Variants in RNF121 observed in about 807,000 individuals in gnomAD.
RNF121 encodes E3 ubiquitin ligase RNF121.
RNF121 carries 21 observed loss-of-function variants against 46.5 expected under a neutral mutation model. The observed-to-expected ratio is 0.45, with a 90% CI of 0.32 to 0.65. RNF121 has a LOEUF of 0.65. Among genes scored for constraint, RNF121 ranks in the 30% least tolerant of loss-of-function variants. RNF121 has a pLI of 0.04. For missense variants in RNF121, 346 were observed against 416.0 expected, an observed-to-expected ratio of 0.83 and a Z score of 1.46; for synonymous variants, 139 against 144.7, an observed-to-expected ratio of 0.96 and a Z score of 0.28.
chr11:71,979,987 G>C (rs1954612918), intron 3 of RNF121, among the ~76,000 whole-genome samples: 1 of 152,128 alleles, frequency 6.6e-6, no homozygotes, highest in Non-Finnish European at 1.5e-5. Context: ...TTCATGAGTT[G>C]GGTTGCGTTT....
chr11:71,995,474 C>A lies in RNF121; in HGVS notation c.786C>A (p.Gly262=). ...GCTTCCACGAGTTCTGCATCCGTGGCTGGTGCATCGTGGGAAAGAAGCAAA... is the reference window on the plus strand; with the variant it reads ...GCTTCCACGAGTTCTGCATCCGTGGATGGTGCATCGTGGGAAAGAAGCAAA... ...NHVFHEFCIR[G]WCIVGKKQTC... is the part of the protein sequence containing the mutation. Residue 262 remains glycine, a synonymous_variant, in exon 8 of 9, where the codon GGC becomes GGA. Coordinates refer to ENST00000361756, the MANE Select transcript of RNF121 (RefSeq NM_018320.5). 6.3e-7 allele frequency: 1 copy of A among 1,588,834 alleles called. No individual in the cohort carries two copies.
intron 4 of RNF121, among the ~76,000 whole-genome samples, chr11:71,984,528 C>T (rs1013324259): frequency 6.6e-6 from 1 of 152,054 alleles, no homozygotes; most frequent in Non-Finnish European, 1.5e-5. Flanking sequence ...GATCTGCCTG[C>T]CTCAACCTCC....
intron 1 of RNF121, among the ~76,000 whole-genome samples, chr11:71,949,192 C>T (rs768634763): frequency 2.2e-4 from 34 of 151,796 alleles, no homozygotes; most frequent in African/African-American, 8.2e-4. Flanking sequence ...CTGGGGTGAG[C>T]GGGTCACTTG....
At chr11:71,932,392 A>C (rs1953295842) in intron 1 of RNF121, among the ~76,000 whole-genome samples, 1 of 152,266 alleles carries the variant, frequency 6.6e-6, no homozygotes, top group Non-Finnish European at 1.5e-5. Context: ...CTTCTGATCC[A>C]GGCCTGCCTG....
chr11:71,940,017 C>T (rs764626157), intron 1 of RNF121, among the ~76,000 whole-genome samples: 5 of 152,212 alleles, frequency 3.3e-5, no homozygotes, highest in South Asian at 4.2e-4. Context: ...AGAAGACTTC[C>T]GATAGGGTAT....
chr11:71,938,646 G>C (rs1953484492), intron 1 of RNF121: 1 of 151,990 alleles, frequency 6.6e-6, no homozygotes, highest in Non-Finnish European at 1.5e-5. Flanking sequence ...CCTTTTATTT[G>C]AATTTATTTT....
chr11:71,982,929 T>A lies in RNF121; in HGVS notation c.398+14T>A. On this transcript the variant is annotated intron_variant, in intron 4 of 8. Coordinates refer to ENST00000361756, the MANE Select transcript of RNF121 (RefSeq NM_018320.5). Reference sequence around the variant, plus strand: ...GACAACCCCAAGGTGAGAGTTTAAGTAGTGGGAAGAGCCCAGGTTTTCCGA... The same window carrying A: ...GACAACCCCAAGGTGAGAGTTTAAGAAGTGGGAAGAGCCCAGGTTTTCCGA... 6.3e-7 allele frequency: 1 copy of A among 1,591,488 alleles called. No homozygotes were observed. Among genetic ancestry groups the A allele is most frequent in the Non-Finnish European group, 8.5e-7 (1 of 1,169,794 alleles).
intron 5 of RNF121, among the ~76,000 whole-genome samples, chr11:71,988,859 G>T (rs758348530): frequency 1.3e-4 from 20 of 152,032 alleles, no homozygotes; most frequent in Non-Finnish European, 2.9e-4. Flanking sequence ...ATTTTATATA[G>T]TGAGAGTGCA....
rs548729936 is a variant in RNF121, at chr11:71,987,619, G to C, written c.506+508G>C. Among the ~76,000 whole-genome samples, 8 of 152,286 alleles carry C rather than the reference G, an allele frequency of 5.3e-5. No individual in the cohort carries two copies. The South Asian group carries it at 1.7e-3, about 32-fold the overall frequency. The stretch of plus-strand genomic sequence containing the variant: ...ATTCATTTATATATTGCCTGTGGCT[G>C]TTTTTCCACTAAAACAGCAGAGTTG... On this transcript the variant is annotated intron_variant, in intron 5 of 8. Transcript: ENST00000361756.
At chr11:71,933,437 T>G (rs1258209539) in intron 1 of RNF121, among the ~76,000 whole-genome samples, 4 of 152,228 alleles carry the variant, frequency 2.6e-5, no homozygotes, top group African/African-American at 9.6e-5. Flanking sequence ...TTGGCCCTGT[T>G]TTGCTCTTGT....
rs1954981421 is a variant in RNF121 at position 71,996,502 on chromosome 11, T to C, written c.*187T>C. On this transcript the variant is annotated 3_prime_UTR_variant, in exon 9 of 9. Transcript: ENST00000361756. ...AGCCAGCCAGTGGGGCTGTCAGCAG[T>C]GGGGGGCTTTTTAAAAGAAAACTAT... 1 of 584,756 alleles carries C rather than the reference T, an allele frequency of 1.7e-6. No individual in the cohort carries two copies. Among genetic ancestry groups the C allele is most frequent in the Non-Finnish European group, 2.9e-6 (1 of 342,404 alleles). The allele number at this position is 584,756 out of a possible 1,614,324, so 36.2% of individuals were successfully genotyped here.
At chr11:71,932,877 A>G (rs915746478) in intron 1 of RNF121, among the ~76,000 whole-genome samples, 7 of 152,208 alleles carry the variant, frequency 4.6e-5, no homozygotes, top group African/African-American at 1.7e-4. Context: ...ACTTACTGAT[A>G]ACTGGTGGAT....
At chr11:71,980,730 C>T (rs575722648) in intron 3 of RNF121, among the ~76,000 whole-genome samples, 352 of 152,292 alleles carry the variant, frequency 2.3e-3, no homozygotes, top group Middle Eastern at 0.01. Context: ...CTCTAAGCTG[C>T]ACTACCTATT....
intron 1 of RNF121, among the ~76,000 whole-genome samples, chr11:71,931,772 T>C (rs2134139569): frequency 6.6e-6 from 1 of 152,144 alleles, no homozygotes; most frequent in Non-Finnish European, 1.5e-5. Flanking sequence ...ATGATAGAGA[T>C]GGGTTTGAGC....
intron 3 of RNF121, among the ~76,000 whole-genome samples, chr11:71,975,119 T>C (rs1421641924): frequency 6.6e-6 from 1 of 152,148 alleles, no homozygotes; most frequent in Non-Finnish European, 1.5e-5. Context: ...AACCGGTGAG[T>C]GGCAAAATCT....
At chr11:71,974,143 G>A (rs1030401447) in intron 3 of RNF121, among the ~76,000 whole-genome samples, 1 of 152,038 alleles carries the variant, frequency 6.6e-6, no homozygotes. Flanking sequence ...GGGTTTCACC[G>A]TGTTAGCCAA....
At chr11:71,969,689 G>A (rs111370075) in intron 3 of RNF121, among the ~76,000 whole-genome samples, 4,939 of 152,122 alleles carry the variant, frequency 0.032, 76 homozygotes, top group East Asian at 0.078. Flanking sequence ...CAGCCTCCCA[G>A]GTAAATGGGA....
intron 1 of RNF121, among the ~76,000 whole-genome samples, chr11:71,945,930 T>A (rs1953703965): frequency 6.6e-6 from 1 of 151,970 alleles, no homozygotes; most frequent in South Asian, 2.1e-4. Context: ...TTGGGCAACA[T>A]AGAGAAACCC....
chr11:71,942,397 G>C (rs913441193), intron 1 of RNF121, among the ~76,000 whole-genome samples: 2 of 152,034 alleles, frequency 1.3e-5, no homozygotes, highest in Admixed American at 6.6e-5. Context: ...ATAGTGTTTT[G>C]GATTCGGTGG....
Sources: gnomAD v4.1 joint callset for allele counts (sites outside exome capture counted in the v4.1 genomes callset) on GRCh38, gnomAD v4.1.1 for gene constraint, MANE v1.5 for transcripts, NCBI Gene and HGNC (gene_info 2026-07-23, HGNC 2026-07-21) for gene names.